SRD5A2: variants seen among roughly 807,000 people sequenced by gnomAD.
SRD5A2 encodes the protein steroid 5 alpha-reductase 2, also known as 3-oxo-5-alpha-steroid 4-dehydrogenase 2.
SRD5A2 carries 30 observed loss-of-function variants against 27.4 expected under a neutral mutation model. That is an observed-to-expected ratio of 1.10 (90% CI 0.82 to 1.49). The LOEUF is 1.49. SRD5A2 is among the 40% of genes most tolerant of loss of function. SRD5A2 has a pLI of 0.00. For synonymous variants in SRD5A2, 141 were observed against 133.6 expected (o/e 1.06, Z -0.38); for missense variants, 348 against 323.4 (o/e 1.08, Z -0.58).
chr2:31,650,454 C>G, the SRD5A2 span, among the ~76,000 whole-genome samples: 16 of 152,278 alleles, frequency 1.1e-4, no homozygotes, highest in South Asian at 2.5e-3. Context: ...TCTGTGCTCT[C>G]AGAGCCTTCC....
intron 1 of SRD5A2, chr2:31,563,325 C>A (rs537455897): frequency 1.3e-5 from 2 of 151,816 alleles, no homozygotes; most frequent in East Asian, 3.9e-4. Flanking sequence ...CCATTGGAGA[C>A]ACTTCTGCTT....
chr2:31,547,451 G>A (rs1188928813), intron 1 of SRD5A2, among the ~76,000 whole-genome samples: 1 of 152,218 alleles, frequency 6.6e-6, no homozygotes, highest in Non-Finnish European at 1.5e-5. Flanking sequence ...GGACTGGGTG[G>A]AGAAGATCTG....
intron 1 of SRD5A2, among the ~76,000 whole-genome samples, chr2:31,556,289 A>G (rs1666493592): frequency 6.6e-6 from 1 of 152,252 alleles, no homozygotes; most frequent in Non-Finnish European, 1.5e-5. Flanking sequence ...TGAGTCAGTG[A>G]TGCCTCCCAT....
chr2:31,584,381 A>T (rs1393103207), upstream of SRD5A2, among the ~76,000 whole-genome samples: 1 of 152,232 alleles, frequency 6.6e-6, no homozygotes, highest in Non-Finnish European at 1.5e-5. Flanking sequence ...AAATCCAGAC[A>T]AGTAAGAATA....
At chr2:31,639,705 C>T in the SRD5A2 span, among the ~76,000 whole-genome samples, 4 of 151,792 alleles carry the variant, frequency 2.6e-5, no homozygotes, top group African/African-American at 9.7e-5. Flanking sequence ...TATTTAAAAG[C>T]CTGTTGCAAG....
the SRD5A2 span, among the ~76,000 whole-genome samples, chr2:31,655,831 C>A: frequency 1.3e-5 from 2 of 152,158 alleles, no homozygotes; most frequent in African/African-American, 4.8e-5. Flanking sequence ...CTGGAAAGAA[C>A]CTACTAGACA....
At chr2:31,578,217 T>C (rs1389667962) in intron 1 of SRD5A2, among the ~76,000 whole-genome samples, 3 of 152,054 alleles carry the variant, frequency 2.0e-5, no homozygotes, top group African/African-American at 7.2e-5. Context: ...CATTTTTCAT[T>C]AGGAAAAAAT....
chr2:31,572,268 G>A (rs1368586441), intron 1 of SRD5A2, among the ~76,000 whole-genome samples: 2 of 152,248 alleles, frequency 1.3e-5, no homozygotes, highest in Admixed American at 6.5e-5. Flanking sequence ...AGTACATATG[G>A]ATACTAAGAG....
chr2:31,570,404 C>A (rs1409637371), intron 1 of SRD5A2, among the ~76,000 whole-genome samples: 1 of 152,122 alleles, frequency 6.6e-6, no homozygotes, highest in Non-Finnish European at 1.5e-5. Flanking sequence ...CAATGACAAA[C>A]CCACAGCTAA....
chr2:31,578,267 GAATA>G (rs1313874643), intron 1 of SRD5A2, among the ~76,000 whole-genome samples: 1 of 151,926 alleles, frequency 6.6e-6, no homozygotes, highest in Non-Finnish European at 1.5e-5. Context: ...ATAATTTTAA[GAATA>G]AATATAGTTT....
At chr2:31,532,397 ACAT>A (rs1458693107) in intron 2 of SRD5A2, among the ~76,000 whole-genome samples, 2 of 148,736 alleles carry the variant, frequency 1.3e-5, no homozygotes, top group African/African-American at 5.1e-5. Flanking sequence ...ACACACACAC[ACAT>A]TCTGACATTA....
intron 3 of SRD5A2, among the ~76,000 whole-genome samples, chr2:31,530,179 T>C (rs1558356347): frequency 1.3e-5 from 2 of 152,258 alleles, no homozygotes; most frequent in Non-Finnish European, 2.9e-5. Flanking sequence ...AAACTGGGGA[T>C]GTTTCAACCG....
intron 3 of SRD5A2, among the ~76,000 whole-genome samples, chr2:31,530,779 A>G (rs893320951): frequency 1.3e-5 from 2 of 152,154 alleles, no homozygotes; most frequent in Admixed American, 1.3e-4. Context: ...ATATTTGTCA[A>G]TCTCATACCC....
chr2:31,538,644 C>T (rs1666072147), intron 1 of SRD5A2, among the ~76,000 whole-genome samples: 1 of 152,224 alleles, frequency 6.6e-6, no homozygotes, highest in African/African-American at 2.4e-5. Flanking sequence ...TCCCCAACTA[C>T]ATCTCTGCTC....
the SRD5A2 span, among the ~76,000 whole-genome samples, chr2:31,587,338 C>T: frequency 6.6e-6 from 1 of 152,154 alleles, no homozygotes; most frequent in South Asian, 2.1e-4. Flanking sequence ...TTGTGGAAGA[C>T]AGTGTGGTGA....
the SRD5A2 span, among the ~76,000 whole-genome samples, chr2:31,600,553 GT>G: frequency 2.0e-5 from 3 of 151,714 alleles, no homozygotes; most frequent in Non-Finnish European, 4.4e-5. Context: ...ATGGTATCTC[GT>G]TTTGATTTGC....
At chr2:31,560,393 C>T (rs1315502539) in intron 1 of SRD5A2, among the ~76,000 whole-genome samples, 1 of 152,106 alleles carries the variant, frequency 6.6e-6, no homozygotes, top group African/African-American at 2.4e-5. Context: ...CCCTGATTTT[C>T]CCTCTATATC....
intron 1 of SRD5A2, among the ~76,000 whole-genome samples, chr2:31,579,493 C>T (rs1241081649): frequency 6.6e-6 from 1 of 152,156 alleles, no homozygotes; most frequent in African/African-American, 2.4e-5. Flanking sequence ...TGTTTATGGG[C>T]TCTGTTCTCT....
At chr2:31,590,195 T>TG in the SRD5A2 span, among the ~76,000 whole-genome samples, 1 of 30,638 alleles carries the variant, frequency 3.3e-5, no homozygotes, top group Non-Finnish European at 6.1e-5. Context: ...CTACCCACCC[T>TG]GGCAGCTGAA....
Sources: gnomAD v4.1 joint callset for allele counts (sites outside exome capture counted in the v4.1 genomes callset) on GRCh38, gnomAD v4.1.1 for gene constraint, MANE v1.5 for transcripts, NCBI Gene and HGNC (gene_info 2026-07-23, HGNC 2026-07-21) for gene names.